CAPZB: variants seen among roughly 807,000 people sequenced by gnomAD.
CAPZB encodes the protein capping actin protein of muscle Z-line subunit beta.
Under a neutral mutation model 38.1 loss-of-function variants are expected in CAPZB, and 2 were observed. The observed-to-expected ratio is 0.05, with a 90% CI of 0.02 to 0.17. The LOEUF (loss-of-function observed/expected upper bound fraction) is 0.17, where lower values mean the gene tolerates loss of function less well. CAPZB is among the 10% of genes least tolerant of loss of function. The pLI, the probability that CAPZB is intolerant of heterozygous loss-of-function variation, is 1.00. For missense variants in CAPZB, 161 were observed against 334.2 expected (o/e 0.48, Z 4.04); for synonymous variants, 107 against 127.4 (o/e 0.84, Z 1.08).
chr1:19,451,353 G>C (rs2094515346), intron 1 of CAPZB, among the ~76,000 whole-genome samples: 2 of 152,152 alleles, frequency 1.3e-5, no homozygotes, highest in Admixed American at 6.5e-5. Flanking sequence ...ACAGATAAAA[G>C]GAAATCACTG....
intron 3 of CAPZB, among the ~76,000 whole-genome samples, chr1:19,379,624 A>G (rs2094163266): frequency 6.6e-6 from 1 of 152,250 alleles, no homozygotes; most frequent in Non-Finnish European, 1.5e-5. Flanking sequence ...TCCAACATCC[A>G]AGAGCTATGC....
intron 4 of CAPZB, among the ~76,000 whole-genome samples, chr1:19,369,420 T>C (rs1337248255): frequency 2.0e-5 from 3 of 152,202 alleles, no homozygotes; most frequent in African/African-American, 7.2e-5. Flanking sequence ...AACAACACAA[T>C]AGAGGTGGGC....
chr1:19,388,318 C>T (rs2094214429), intron 2 of CAPZB, among the ~76,000 whole-genome samples: 1 of 152,182 alleles, frequency 6.6e-6, no homozygotes, highest in East Asian at 1.9e-4. Flanking sequence ...ATCTTACTCA[C>T]TGCAGGATTC....
intron 1 of CAPZB, among the ~76,000 whole-genome samples, chr1:19,432,666 T>C (rs1238806357): frequency 1.3e-5 from 2 of 152,328 alleles, no homozygotes; most frequent in East Asian, 3.9e-4. Context: ...GAGGTGGCTC[T>C]TGGGTACCCC....
chr1:19,416,631 G>C (rs1339476405), intron 2 of CAPZB, among the ~76,000 whole-genome samples: 1 of 152,010 alleles, frequency 6.6e-6, no homozygotes, highest in African/African-American at 2.4e-5. Flanking sequence ...AAGTAGGATT[G>C]CCTGAGGTCA....
At chr1:19,407,421 G>A (rs1324113303) in intron 2 of CAPZB, among the ~76,000 whole-genome samples, 1 of 152,182 alleles carries the variant, frequency 6.6e-6, no homozygotes, top group East Asian at 1.9e-4. Flanking sequence ...CATAGACTGG[G>A]GGGCTCTCAA....
At chr1:19,431,152 C>A (rs2088828) in intron 1 of CAPZB, among the ~76,000 whole-genome samples, 35,383 of 152,032 alleles carry the variant, frequency 0.23, 4,488 homozygotes, top group Non-Finnish European at 0.28. Flanking sequence ...CTCTTTAGTA[C>A]ACAGTTTAGC....
chr1:19,392,501 C>T (rs542392013), intron 2 of CAPZB, among the ~76,000 whole-genome samples: 2 of 147,220 alleles, frequency 1.4e-5, no homozygotes, highest in South Asian at 4.4e-4. Context: ...TGAGGGCAGG[C>T]CCTGGCACAC....
chr1:19,386,045 C>T (rs561061860), intron 2 of CAPZB, among the ~76,000 whole-genome samples: 65 of 152,344 alleles, frequency 4.3e-4, no homozygotes, highest in African/African-American at 1.4e-3. Context: ...TCGTCCGTGC[C>T]GGGAACTCCC....
At chr1:19,368,978 C>T (rs977906393) in intron 4 of CAPZB, among the ~76,000 whole-genome samples, 56 of 152,340 alleles carry the variant, frequency 3.7e-4, no homozygotes, top group African/African-American at 1.3e-3. Context: ...CAGAGTTTCA[C>T]TCCAACATGT....
chr1:19,428,880 A>C (rs772175770), intron 1 of CAPZB, among the ~76,000 whole-genome samples: 2 of 152,176 alleles, frequency 1.3e-5, no homozygotes, highest in African/African-American at 2.4e-5. Context: ...AAAAAAAAGC[A>C]GGAAAGAACT....
intron 1 of CAPZB, among the ~76,000 whole-genome samples, chr1:19,441,649 TG>T (rs955826879): frequency 7.5e-5 from 11 of 146,366 alleles, no homozygotes; most frequent in South Asian, 2.2e-4. Context: ...TGATGCTGGG[TG>T]GGGTCCCCAG....
chr1:19,442,749 C>T (rs10458381), intron 1 of CAPZB, among the ~76,000 whole-genome samples: 40,900 of 152,092 alleles, frequency 0.27, 6,523 homozygotes, highest in Middle Eastern at 0.37. Context: ...AACCCTTTGG[C>T]TTGGACAGCT....
intron 1 of CAPZB, among the ~76,000 whole-genome samples, chr1:19,459,933 G>A (rs754880486): frequency 7.9e-5 from 12 of 152,144 alleles, no homozygotes; most frequent in Admixed American, 1.3e-4. Context: ...CAGTCCTTGT[G>A]TTCAAGTCAC....
chr1:19,480,061 G>A (rs944848786), intron 1 of CAPZB, among the ~76,000 whole-genome samples: 7 of 152,248 alleles, frequency 4.6e-5, no homozygotes, highest in Admixed American at 3.3e-4. Context: ...TGGAGGAGGG[G>A]GAAATGCAAG....
intron 6 of CAPZB, among the ~76,000 whole-genome samples, chr1:19,346,817 C>CT (rs34733600): frequency 0.063 from 5,306 of 84,018 alleles, 260 homozygotes; most frequent in East Asian, 0.11. Context: ...CGACTTTTGT[C>CT]TTTTTTTTTT....
At chr1:19,392,829 A>G (rs2094244435) in intron 2 of CAPZB, among the ~76,000 whole-genome samples, 2 of 152,208 alleles carry the variant, frequency 1.3e-5, no homozygotes, top group South Asian at 4.1e-4. Context: ...TAGGTAATAC[A>G]TTCACATAGG....
chr1:19,440,379 T>C (rs2094471949), intron 1 of CAPZB, among the ~76,000 whole-genome samples: 1 of 152,202 alleles, frequency 6.6e-6, no homozygotes. Context: ...AAATAGATAC[T>C]GGAAGAGATG....
intron 4 of CAPZB, among the ~76,000 whole-genome samples, chr1:19,376,434 A>G (rs932064788): frequency 2.0e-5 from 3 of 152,164 alleles, no homozygotes; most frequent in Non-Finnish European, 4.4e-5. Flanking sequence ...ATCTCTTTCA[A>G]ATTGACTTCC....
Sources: allele counts gnomAD v4.1 joint callset (sites outside exome capture counted in the v4.1 genomes callset), GRCh38; gene constraint gnomAD v4.1.1; transcripts MANE v1.5; gene names NCBI Gene and HGNC (gene_info 2026-07-23, HGNC 2026-07-21).